MTUS2: variants seen among roughly 807,000 people sequenced by gnomAD.
The protein encoded by MTUS2 is microtubule associated scaffold protein 2.
MTUS2 carries 40 observed loss-of-function variants against 114.1 expected under a neutral mutation model. That is an observed-to-expected ratio of 0.35 (90% CI 0.27 to 0.46). MTUS2 has a LOEUF of 0.46. MTUS2 is among the 20% of genes least tolerant of loss of function. The pLI, the probability that MTUS2 is intolerant of heterozygous loss-of-function variation, is 1.00. For synonymous variants in MTUS2, 688 were observed against 672.0 expected, an observed-to-expected ratio of 1.02 and a Z score of -0.37; for missense variants, 1,679 against 1,705.4, an observed-to-expected ratio of 0.98 and a Z score of 0.27.
intron 2 of MTUS2, among the ~76,000 whole-genome samples, chr13:28,997,849 G>T (rs1593368592): frequency 6.6e-6 from 1 of 152,230 alleles, no homozygotes; most frequent in East Asian, 1.9e-4. Context: ...TATCCAATTT[G>T]CCAGTCTGTG....
At chr13:29,269,723 G>A (rs1158827175) in intron 5 of MTUS2, among the ~76,000 whole-genome samples, 1 of 152,112 alleles carries the variant, frequency 6.6e-6, no homozygotes, top group Non-Finnish European at 1.5e-5. Context: ...ATACTCAAAA[G>A]CATTGAAATC....
At chr13:29,326,286 G>A (rs1362303311) in intron 7 of MTUS2, among the ~76,000 whole-genome samples, 1 of 152,144 alleles carries the variant, frequency 6.6e-6, no homozygotes, top group African/African-American at 2.4e-5. Flanking sequence ...ACTGTGCTCT[G>A]AAAATCCAAT....
chr13:29,299,369 A>G (rs1648163161), intron 6 of MTUS2, among the ~76,000 whole-genome samples: 1 of 152,198 alleles, frequency 6.6e-6, no homozygotes. Context: ...CATTTGTTCA[A>G]CATATATTAA....
chr13:29,419,177 C>T (rs1420977532), intron 8 of MTUS2, among the ~76,000 whole-genome samples: 1 of 152,154 alleles, frequency 6.6e-6, no homozygotes, highest in African/African-American at 2.4e-5. Flanking sequence ...CATGCCCCTC[C>T]TCATGGGTCA....
At chr13:29,127,871 G>A (rs1017067269) in intron 5 of MTUS2, among the ~76,000 whole-genome samples, 11 of 152,170 alleles carry the variant, frequency 7.2e-5, no homozygotes, top group African/African-American at 2.4e-4. Context: ...ACAGATTAGT[G>A]TATTCAACAG....
chr13:29,036,695 A>G (rs1887091353), intron 4 of MTUS2, among the ~76,000 whole-genome samples: 2 of 152,216 alleles, frequency 1.3e-5, no homozygotes, highest in Admixed American at 1.3e-4. Flanking sequence ...GTGCTCCTGT[A>G]TTAGGTGCAT....
intron 2 of MTUS2, among the ~76,000 whole-genome samples, chr13:28,888,518 T>C (rs1878726867): frequency 6.6e-6 from 1 of 150,772 alleles, no homozygotes; most frequent in Non-Finnish European, 1.5e-5. Flanking sequence ...GCCTCCTGGG[T>C]TCAAGCGATT....
At chr13:29,311,553 A>G (rs575483591) in intron 6 of MTUS2, among the ~76,000 whole-genome samples, 1 of 152,264 alleles carries the variant, frequency 6.6e-6, no homozygotes, top group East Asian at 1.9e-4. Flanking sequence ...TATTTTTTGT[A>G]CTTCTCTCTA....
At chr13:29,284,778 A>G (rs141534295) in intron 6 of MTUS2, among the ~76,000 whole-genome samples, 19 of 152,324 alleles carry the variant, frequency 1.2e-4, no homozygotes, top group African/African-American at 4.6e-4. Context: ...TAGGGGTATT[A>G]TAGGATAAAG....
intron 10 of MTUS2, among the ~76,000 whole-genome samples, chr13:29,481,714 C>T (rs1295341124): frequency 6.8e-6 from 1 of 147,052 alleles, no homozygotes; most frequent in Non-Finnish European, 1.5e-5. Flanking sequence ...ATACTAATTA[C>T]TGTCATGGTA....
rs781653092 is a variant in MTUS2, at chr13:28,894,329, GGA to G, written c.-243+54499_-243+54500del. The stretch of plus-strand genomic sequence containing the variant: ...GGGGGGGGGGGAGGGAGGGAGGGAG[GGA>G]GAGAGAGAGAGAGAGAGAGTGAGAG... On this transcript the variant is annotated intron_variant, in intron 2 of 15. Coordinates refer to ENST00000612955, the MANE Select transcript of MTUS2 (RefSeq NM_001033602.4). 3.4e-3 allele frequency among the ~76,000 whole-genome samples: 208 copies of G among 60,842 alleles called. 3 individuals are homozygous for G. Among genetic ancestry groups the G allele is most frequent in the Non-Finnish European group, 4.3e-3 (143 of 33,142 alleles). 39.9% of individuals were successfully genotyped at this position (60,842 alleles called of 152,430 possible). A position where few individuals can be genotyped will look rare whatever the true frequency, so the allele number is the denominator to read the frequency against.
chr13:29,167,639 G>T (rs1335583210), intron 5 of MTUS2, among the ~76,000 whole-genome samples: 1 of 151,952 alleles, frequency 6.6e-6, no homozygotes, highest in Non-Finnish European at 1.5e-5. Flanking sequence ...TCACAGCAAA[G>T]GACTTCATAA....
At chr13:29,434,684 G>A (rs1020259676) in intron 8 of MTUS2, among the ~76,000 whole-genome samples, 5 of 152,184 alleles carry the variant, frequency 3.3e-5, no homozygotes, top group African/African-American at 1.2e-4. Context: ...ACAAGGACAG[G>A]CGTTTTCACT....
intron 2 of MTUS2, among the ~76,000 whole-genome samples, chr13:29,010,348 T>G (rs759008714): frequency 1.2e-4 from 19 of 152,250 alleles, no homozygotes; most frequent in Non-Finnish European, 2.4e-4. Flanking sequence ...CTTCTTTTTC[T>G]TCTCTCTTTT....
intron 7 of MTUS2, 112 bp from the exon 8 acceptor site, chr13:29,359,150 G>A (rs1323925206): frequency 2.2e-5 from 22 of 1,006,832 alleles, no homozygotes; most frequent in Non-Finnish European, 3.1e-5. Flanking sequence ...ACAAACCGTG[G>A]GCAATTTCTT....
chr13:28,956,137 A>C (rs547121263), intron 2 of MTUS2, among the ~76,000 whole-genome samples: 1 of 144,224 alleles, frequency 6.9e-6, no homozygotes, highest in African/African-American at 2.6e-5. Flanking sequence ...TAGCTCCCAC[A>C]TACCAGTGAG....
At chr13:29,371,883 G>A (rs908342909) in intron 8 of MTUS2, among the ~76,000 whole-genome samples, 1 of 151,488 alleles carries the variant, frequency 6.6e-6, no homozygotes, top group Non-Finnish European at 1.5e-5. Flanking sequence ...ATTTCTGGAG[G>A]CCTAATGTTC....
chr13:29,104,441 G>C (rs976356212), intron 5 of MTUS2, among the ~76,000 whole-genome samples: 2 of 150,068 alleles, frequency 1.3e-5, no homozygotes, highest in Admixed American at 1.3e-4. Flanking sequence ...CTTAGAGTCA[G>C]AGCTGACTTG....
intron 5 of MTUS2, among the ~76,000 whole-genome samples, chr13:29,149,970 T>C (rs183121322): frequency 2.1e-3 from 313 of 152,302 alleles, no homozygotes; most frequent in African/African-American, 7.2e-3. Context: ...GCTTTGTTCT[T>C]TTTGATTAGG....
Sources: gnomAD v4.1 joint callset for allele counts (sites outside exome capture counted in the v4.1 genomes callset) on GRCh38, gnomAD v4.1.1 for gene constraint, MANE v1.5 for transcripts, NCBI Gene and HGNC (gene_info 2026-07-23, HGNC 2026-07-21) for gene names.